The following CLPX variants were observed in gnomAD, a reference collection of about 807,000 sequenced individuals.
The protein encoded by CLPX is ATP-dependent clpX-like chaperone, mitochondrial.
A neutral mutation model predicts 76.4 loss-of-function variants in CLPX; 34 were observed. The observed-to-expected ratio is 0.45, with a 90% CI of 0.34 to 0.59. The LOEUF is 0.59. Among genes scored for constraint, CLPX ranks in the 20% least tolerant of loss-of-function variants. The probability of loss-of-function intolerance (pLI) is 0.01; values close to 1 mark genes in which losing one functional copy is unlikely to be tolerated. For missense variants in CLPX, 613 were observed against 757.0 expected (o/e 0.81, Z 2.23); for synonymous variants, 248 against 270.9 (o/e 0.92, Z 0.83).
intron 2 of CLPX, among the ~76,000 whole-genome samples, chr15:65,179,460 T>C (rs905303722): frequency 6.6e-6 from 1 of 152,208 alleles, no homozygotes. Flanking sequence ...ATAATTTTAC[T>C]CACATCAGAG....
chr15:65,173,365 CAAAAAAAAAAAAA>C (rs35763100), intron 3 of CLPX, among the ~76,000 whole-genome samples: 1 of 52,178 alleles, frequency 1.9e-5, no homozygotes, highest in African/African-American at 6.9e-5. Context: ...GACTCTGTCT[CAAAAAAAAAAAAA>C]AAAAAAAAAG....
intron 3 of CLPX, 93 bp downstream of exon 3, chr15:65,178,840 AT>A: frequency 1.4e-6 from 1 of 695,202 alleles, no homozygotes; most frequent in Non-Finnish European, 2.3e-6. Flanking sequence ...CCTGGCCTAT[AT>A]TTATACATTT....
At chr15:65,181,749 A>AAAATAAATAAAT (rs10605280) in intron 1 of CLPX, among the ~76,000 whole-genome samples, 1 of 137,934 alleles carries the variant, frequency 7.2e-6, no homozygotes, top group Non-Finnish European at 1.5e-5. Flanking sequence ...GCTCTGTCGC[A>AAAATAAATAAAT]AAATAAATAA....
At chr15:65,159,934 T>A (rs917335715) in intron 6 of CLPX, among the ~76,000 whole-genome samples, 2 of 151,970 alleles carry the variant, frequency 1.3e-5, no homozygotes, top group Non-Finnish European at 2.9e-5. Context: ...TGCCTCAGCA[T>A]CCCGAGTAGT....
At chr15:65,170,305 A>G (rs1271753136) in intron 3 of CLPX, among the ~76,000 whole-genome samples, 1 of 152,082 alleles carries the variant, frequency 6.6e-6, no homozygotes, top group Non-Finnish European at 1.5e-5. Flanking sequence ...CCAACTAGAA[A>G]GAGAGAACTG....
In CLPX at chr15:65,165,814, T is replaced by C. The variant is rs570540438; in HGVS notation, c.513+817A>G. On this transcript the variant is annotated intron_variant, in intron 4 of 13. Coordinates refer to ENST00000300107, the MANE Select transcript of CLPX (RefSeq NM_006660.5). ...GTTGTTGACCATATACATTTTATTA[T>C]AGTTTTAAACATCTTTATTCCTTAC... Among the ~76,000 whole-genome samples the C allele has an allele frequency of 1.4e-3, 219 of 152,350 alleles. 1 individual carries two copies. The highest frequency in any genetic ancestry group is 2.5e-3 in the Non-Finnish European group (171 of 68,028).
chr15:65,157,157 A>C (rs2087800414), intron 8 of CLPX, among the ~76,000 whole-genome samples: 1 of 152,224 alleles, frequency 6.6e-6, no homozygotes, highest in African/African-American at 2.4e-5. Flanking sequence ...TATGGTAACA[A>C]AATCTCCTTG....
chr15:65,158,959 A>T (rs1396636305), intron 6 of CLPX, among the ~76,000 whole-genome samples: 1 of 152,206 alleles, frequency 6.6e-6, no homozygotes, highest in Non-Finnish European at 1.5e-5. Context: ...CCTCAAGCAA[A>T]GGAAATTGAT....
intron 3 of CLPX, among the ~76,000 whole-genome samples, chr15:65,173,217 A>G (rs1204176046): frequency 1.3e-5 from 2 of 152,020 alleles, no homozygotes; most frequent in African/African-American, 4.8e-5. Context: ...TAAAAATACA[A>G]AAATCAGCTG....
intron 6 of CLPX, among the ~76,000 whole-genome samples, chr15:65,160,623 T>TCTCTCTCTCTCTCTCTCTCTCACACA (rs1219208926): frequency 2.0e-5 from 2 of 101,028 alleles, no homozygotes; most frequent in African/African-American, 7.5e-5. Context: ...TCTCTCTCTC[T>TCTCTCTCTCTCTCTCTCTCTCACACA]CACACACACA....
chr15:65,176,908 T>C (rs890859523), intron 3 of CLPX, among the ~76,000 whole-genome samples: 3 of 151,974 alleles, frequency 2.0e-5, no homozygotes, highest in Non-Finnish European at 2.9e-5. Flanking sequence ...AATTATTCTT[T>C]AGGTCTATAA....
intron 5 of CLPX, 148 bp downstream of exon 5, chr15:65,163,881 T>C (rs2087879891): frequency 1.4e-6 from 1 of 726,464 alleles, no homozygotes; most frequent in South Asian, 1.7e-5. Flanking sequence ...TGGCAAATGA[T>C]TTCATAACAC....
Position 65,155,772 on chromosome 15 carries a change from C to G in CLPX, c.1231G>C (p.Asp411His). 2 of 1,613,972 alleles carry G rather than the reference C, an allele frequency of 1.2e-6. No individual in the cohort carries two copies. Among genetic ancestry groups the G allele is most frequent in the Non-Finnish European group, 1.7e-6 (2 of 1,179,884 alleles). Residue 411 changes from aspartate (D) to histidine (H), a missense_variant, in exon 10 of 14, where the codon GAT becomes CAT. Asp to His is a moderately conservative substitution (Grantham distance 81). This residue lies in a region of CLPX where 450 missense variants were observed against 638.6 expected (regional missense o/e 0.70). Coordinates refer to ENST00000300107, the MANE Select transcript of CLPX (RefSeq NM_006660.5). Reference protein sequence around the residue: ...RKLRGETVQVDTTNILFVASG... With the variant: ...RKLRGETVQVHTTNILFVASG... ...GCCACAAACAGGATGTTTGTTGTAT[C>G]AACTTGAACTGTTTCTCCACGGAGC...
intron 3 of CLPX, among the ~76,000 whole-genome samples, chr15:65,168,383 CAAAAAAAAAAA>C (rs71136319): frequency 5.6e-5 from 2 of 35,666 alleles, no homozygotes; most frequent in East Asian, 1.1e-3. Flanking sequence ...GACTCTGTCT[CAAAAAAAAAAA>C]AAAAAAAAAA....
chr15:65,175,005 C>G (rs1401350869), intron 3 of CLPX, among the ~76,000 whole-genome samples: 1 of 152,108 alleles, frequency 6.6e-6, no homozygotes, highest in Non-Finnish European at 1.5e-5. Context: ...AACTTTATAG[C>G]TTCATCTATC....
In CLPX at chr15:65,154,988, G is replaced by A; in HGVS notation, c.1405C>T (p.His469Tyr). 2.5e-6 allele frequency: 4 copies of A among 1,614,050 alleles called. No individual in the cohort carries two copies. The highest frequency in any genetic ancestry group is 2.2e-5 in the South Asian group (2 of 91,082). The part of the protein sequence containing the change: ...LANRSGESNT[H>Y]QDIEEKDRLL... ...CGATCTTTTTCTTCAATGTCTTGGT[G>A]AGTATTCGATTCCCCACTTCGATTA... Residue 469 changes from histidine (H) to tyrosine (Y), a missense_variant, in exon 11 of 14, where the codon CAC becomes TAC. His to Tyr is a moderately conservative substitution (Grantham distance 83, BLOSUM62 2). This residue lies in a region of CLPX where 450 missense variants were observed against 638.6 expected (regional missense o/e 0.70). Transcript: ENST00000300107.
rs905331762 is a variant in CLPX, at chr15:65,185,298, A to G, written c.-145T>C. On this transcript the variant is annotated 5_prime_UTR_variant, in exon 1 of 14. Transcript: ENST00000300107. ...TGGAGAGTTCACCTGCCCGGCAGCC[A>G]GGCCTTCACGCTTCTCTGCCCCACA... is the stretch of plus-strand genomic sequence containing the variant. 9.5e-6 allele frequency: 6 copies of G among 631,024 alleles called. No individual in the cohort carries two copies. The African/African-American group carries it at 1.1e-4, about 12-fold the overall frequency. The allele number at this position is 631,024 out of a possible 1,614,324, so 39.1% of individuals were successfully genotyped here.
intron 3 of CLPX, among the ~76,000 whole-genome samples, chr15:65,170,016 C>A (rs1260055763): frequency 1.3e-5 from 2 of 152,062 alleles, no homozygotes; most frequent in Non-Finnish European, 2.9e-5. Flanking sequence ...CTGCCTCAGC[C>A]TCCCAAAGTG....
intron 3 of CLPX, among the ~76,000 whole-genome samples, chr15:65,167,987 A>C (rs2087940941): frequency 6.6e-6 from 1 of 152,130 alleles, no homozygotes; most frequent in East Asian, 1.9e-4. Context: ...GAAACTAACA[A>C]AATACTGCTT....
Sources: gnomAD v4.1 joint callset for allele counts (sites outside exome capture counted in the v4.1 genomes callset) on GRCh38, gnomAD v4.1.1 for gene constraint, gnomAD v4.1.1 regional missense constraint, MANE v1.5 for transcripts, NCBI Gene and HGNC (gene_info 2026-07-23, HGNC 2026-07-21) for gene names.